The following GRID1 variants were observed in gnomAD, a reference collection of about 807,000 sequenced individuals.
GRID1 encodes glutamate ionotropic receptor delta type subunit 1.
Under a neutral mutation model 98.0 loss-of-function variants are expected in GRID1, and 28 were observed. The ratio of observed to expected loss-of-function variants is 0.29; its 90% CI spans 0.21 to 0.39. The LOEUF (loss-of-function observed/expected upper bound fraction) is 0.39, where lower values mean the gene tolerates loss of function less well. Among genes scored for constraint, GRID1 ranks in the 10% least tolerant of loss-of-function variants. The pLI, the probability that GRID1 is intolerant of heterozygous loss-of-function variation, is 1.00. For missense variants in GRID1, 1,111 were observed against 1,340.5 expected (o/e 0.83, Z 2.67); for synonymous variants, 553 against 538.5 (o/e 1.03, Z -0.37).
chr10:86,259,226 G>A (rs116548083), intron 2 of GRID1, among the ~76,000 whole-genome samples: 3,491 of 152,336 alleles, frequency 0.023, 47 homozygotes, highest in Middle Eastern at 0.051. Flanking sequence ...AAGTGGCCTA[G>A]CCTAGCCTCT....
chr10:86,288,326 T>A (rs973485751), intron 2 of GRID1, among the ~76,000 whole-genome samples: 1 of 152,082 alleles, frequency 6.6e-6, no homozygotes, highest in Non-Finnish European at 1.5e-5. Context: ...GAGCCCACAG[T>A]CTCCAGTCTC....
In GRID1 at chr10:85,774,531, A is replaced by T. The variant is rs1842309169; in HGVS notation, c.1234-44917T>A. Among the ~76,000 whole-genome samples, 6 of 151,336 alleles carry T rather than the reference A, an allele frequency of 4.0e-5. No individual in the cohort carries two copies. In the South Asian group the frequency reaches 1.2e-3, roughly 32 times the overall value. The stretch of plus-strand genomic sequence containing the variant: ...AGCAAAAGAAACTACCATCAGAGTG[A>T]ACAGGCAACCTACAACATGGGAGAA... On this transcript the variant is annotated intron_variant, in intron 8 of 15. Transcript: ENST00000327946.
chr10:85,852,706 G>A (rs1200731553), intron 8 of GRID1, among the ~76,000 whole-genome samples: 1 of 152,130 alleles, frequency 6.6e-6, no homozygotes, highest in Non-Finnish European at 1.5e-5. Flanking sequence ...TACCTGGTGG[G>A]AGTCCCAATG....
intron 2 of GRID1, among the ~76,000 whole-genome samples, chr10:86,301,504 A>G (rs1847687214): frequency 6.6e-6 from 1 of 152,136 alleles, no homozygotes; most frequent in Non-Finnish European, 1.5e-5. Context: ...TTAAAGGGGG[A>G]GCAGACACAC....
intron 4 of GRID1, among the ~76,000 whole-genome samples, chr10:86,104,832 AC>A (rs2131947399): frequency 6.6e-6 from 1 of 152,278 alleles, no homozygotes; most frequent in South Asian, 2.1e-4. Context: ...GAGACAGTGC[AC>A]TGGACCTTCA....
At chr10:85,820,604 G>A (rs1201204683) in intron 8 of GRID1, among the ~76,000 whole-genome samples, 3 of 152,116 alleles carry the variant, frequency 2.0e-5, no homozygotes, top group Non-Finnish European at 2.9e-5. Flanking sequence ...TGTGTGAGAT[G>A]TTAAAAATAA....
At position 85,840,357 on chromosome 10, in the gene GRID1, G is replaced by A. The variant is rs73332695; in HGVS notation, c.1233+14139C>T. Among the ~76,000 whole-genome samples the A allele has an allele frequency of 5.8e-3, 885 of 152,002 alleles. 8 individuals carry two copies. Among genetic ancestry groups the A allele is most frequent in the African/African-American group, 0.02 (818 of 41,516 alleles). On this transcript the variant is annotated intron_variant, in intron 8 of 15. Transcript: ENST00000327946. ...AACCTCAAAATAATAAGAGCCATAT[G>A]TAAAAAACCCACAGCCATCATCATA...
At chr10:86,023,124 C>T (rs934063221) in intron 4 of GRID1, among the ~76,000 whole-genome samples, 2 of 152,034 alleles carry the variant, frequency 1.3e-5, no homozygotes, top group Admixed American at 1.3e-4. Context: ...CTGCCACCTG[C>T]CACTCTGTCC....
intron 11 of GRID1, 92 bp from the exon 12 acceptor site, chr10:85,723,233 G>T: frequency 1.6e-6 from 2 of 1,270,794 alleles, no homozygotes; most frequent in Non-Finnish European, 1.1e-6. Flanking sequence ...AGGCACACAG[G>T]CCATCACTCG....
intron 8 of GRID1, among the ~76,000 whole-genome samples, chr10:85,744,448 C>G (rs1841978977): frequency 6.6e-6 from 1 of 150,792 alleles, no homozygotes; most frequent in Admixed American, 6.6e-5. Flanking sequence ...TTTGACAAAC[C>G]TGAGAAAAAC....
rs760559489 is a variant in GRID1, at chr10:86,206,107, T to G, written c.520+257A>C. Among the ~76,000 whole-genome samples, 4 of 152,190 alleles carry G rather than the reference T, an allele frequency of 2.6e-5. No individual in the cohort carries two copies. The highest frequency in any genetic ancestry group is 5.9e-5 in the Non-Finnish European group (4 of 68,032). Reference sequence around the variant, plus strand: ...TCCCTGCCAGCAGTTTATTAATATTTTATTGAAACCTCTAAGATGATTCAA... The same window carrying G: ...TCCCTGCCAGCAGTTTATTAATATTGTATTGAAACCTCTAAGATGATTCAA... On this transcript the variant is annotated intron_variant, in intron 3 of 15. Coordinates refer to ENST00000327946, the MANE Select transcript of GRID1 (RefSeq NM_017551.3). This position sits in a 1 kb window ranked among gnomAD's most constrained non-coding sequence, Gnocchi z 4.1.
intron 5 of GRID1, among the ~76,000 whole-genome samples, chr10:85,907,349 T>C (rs968755957): frequency 7.9e-5 from 12 of 152,186 alleles, no homozygotes; most frequent in African/African-American, 2.9e-4. Flanking sequence ...CAACCTCAAG[T>C]GATGTGCCTG....
intron 4 of GRID1, among the ~76,000 whole-genome samples, chr10:86,118,548 C>A (rs1054417049): frequency 1.1e-4 from 16 of 152,004 alleles, no homozygotes; most frequent in African/African-American, 3.9e-4. Context: ...GAATTCCAAA[C>A]AACGGATGTA....
chr10:85,751,618 G>T (rs1233340875), intron 8 of GRID1, among the ~76,000 whole-genome samples: 1 of 151,994 alleles, frequency 6.6e-6, no homozygotes, highest in Non-Finnish European at 1.5e-5. Context: ...ATAGGTAAAA[G>T]GTGGGGAATG....
intron 4 of GRID1, among the ~76,000 whole-genome samples, chr10:86,097,603 A>G (rs2131942585): frequency 6.6e-6 from 1 of 152,278 alleles, no homozygotes; most frequent in South Asian, 2.1e-4. Context: ...TTATCTGGAG[A>G]ACTTTAATAC....
chr10:86,108,935 T>G (rs1844434029), intron 4 of GRID1, among the ~76,000 whole-genome samples: 1 of 152,012 alleles, frequency 6.6e-6, no homozygotes, highest in Non-Finnish European at 1.5e-5. Context: ...GGCTTCCCTC[T>G]CCGAGCCCCT....
intron 2 of GRID1, among the ~76,000 whole-genome samples, chr10:86,251,105 G>A (rs897711096): frequency 1.3e-5 from 2 of 152,054 alleles, no homozygotes; most frequent in South Asian, 2.1e-4. Flanking sequence ...GATTAAGGGC[G>A]GTGCAAGTTG....
chr10:86,154,875 C>T (rs922214098), intron 3 of GRID1, among the ~76,000 whole-genome samples: 1 of 152,088 alleles, frequency 6.6e-6, no homozygotes, highest in Non-Finnish European at 1.5e-5. Context: ...GTGCACCCAG[C>T]ACTGTACCAA....
At chr10:85,821,294 G>C (rs1166254656) in intron 8 of GRID1, among the ~76,000 whole-genome samples, 1 of 151,788 alleles carries the variant, frequency 6.6e-6, no homozygotes, top group African/African-American at 2.4e-5. Flanking sequence ...GAAATGGGCA[G>C]ATCATTTGAG....
Sources: allele counts gnomAD v4.1 joint callset (sites outside exome capture counted in the v4.1 genomes callset), GRCh38; gene constraint gnomAD v4.1.1; non-coding constraint Gnocchi (gnomAD v3.1); transcripts MANE v1.5; gene names NCBI Gene and HGNC (gene_info 2026-07-23, HGNC 2026-07-21).